PPP2R2B: variants seen among roughly 807,000 people sequenced by gnomAD.
The protein encoded by PPP2R2B is serine/threonine-protein phosphatase 2A 55 kDa regulatory subunit B beta isoform.
A neutral mutation model predicts 46.0 loss-of-function variants in PPP2R2B; 5 were observed. The observed-to-expected ratio is 0.11, with a 90% confidence interval of 0.06 to 0.23. PPP2R2B has a LOEUF of 0.23. Among genes scored for constraint, PPP2R2B ranks in the 10% least tolerant of loss-of-function variants. The probability of loss-of-function intolerance (pLI) is 1.00; values close to 1 mark genes in which losing one functional copy is unlikely to be tolerated. For missense variants in PPP2R2B, 367 were observed against 575.0 expected (o/e 0.64, Z 3.70); for synonymous variants, 215 against 206.7 (o/e 1.04, Z -0.34).
At chr5:146,808,958 GGTGTGTGTGTGTGTGTGT>G (rs35023590) in intron 2 of PPP2R2B, among the ~76,000 whole-genome samples, 3 of 146,262 alleles carry the variant, frequency 2.1e-5, no homozygotes, top group Non-Finnish European at 4.5e-5. Context: ...TGCTAACACT[GGTGTGTGTGTGTGTGTGT>G]GTGTGTGTGT....
chr5:147,025,300 TG>T (rs1219089536), intron 1 of PPP2R2B, among the ~76,000 whole-genome samples: 2 of 151,948 alleles, frequency 1.3e-5, no homozygotes, highest in Admixed American at 6.6e-5. Context: ...CCCCAAAATG[TG>T]GATCCAAATG....
intron 5 of PPP2R2B, among the ~76,000 whole-genome samples, chr5:146,685,213 G>A (rs561295699): frequency 6.6e-6 from 1 of 152,312 alleles, no homozygotes; most frequent in East Asian, 1.9e-4. Flanking sequence ...AGGAACAGGA[G>A]CTCTGGAGTC....
chr5:146,944,322 GA>G (rs1284575344), intron 1 of PPP2R2B, among the ~76,000 whole-genome samples: 3 of 152,106 alleles, frequency 2.0e-5, no homozygotes, highest in South Asian at 2.1e-4. Flanking sequence ...GGAAGAGATT[GA>G]AAAGAGATTT....
intron 1 of PPP2R2B, among the ~76,000 whole-genome samples, chr5:147,009,884 C>CAT: frequency 6.9e-6 from 1 of 144,060 alleles, no homozygotes; most frequent in East Asian, 2.0e-4. Context: ...CACACACACA[C>CAT]ACACACACAC....
chr5:146,722,408 A>T (rs971369095), intron 2 of PPP2R2B, among the ~76,000 whole-genome samples: 3 of 152,174 alleles, frequency 2.0e-5, no homozygotes, highest in Non-Finnish European at 4.4e-5. Flanking sequence ...CTGCTTACTG[A>T]GTTATCTGCT....
chr5:146,654,633 T>A (rs745482033), intron 5 of PPP2R2B, among the ~76,000 whole-genome samples: 15 of 152,174 alleles, frequency 9.9e-5, no homozygotes, highest in Non-Finnish European at 2.1e-4. Flanking sequence ...TATTATATGC[T>A]TGCATCCTCA....
At chr5:146,623,046 G>A (rs1476036974) in intron 7 of PPP2R2B, among the ~76,000 whole-genome samples, 1 of 152,092 alleles carries the variant, frequency 6.6e-6, no homozygotes, top group Non-Finnish European at 1.5e-5. Context: ...CTACAATTTA[G>A]TATCCATGAA....
intron 1 of PPP2R2B, among the ~76,000 whole-genome samples, chr5:147,021,334 GT>G (rs1199536534): frequency 6.6e-6 from 1 of 152,186 alleles, no homozygotes; most frequent in Non-Finnish European, 1.5e-5. Flanking sequence ...ATTTCAGGCA[GT>G]TTCATGCAGC....
At chr5:146,939,968 AT>A (rs1764269612) in intron 1 of PPP2R2B, among the ~76,000 whole-genome samples, 1 of 152,212 alleles carries the variant, frequency 6.6e-6, no homozygotes, top group Non-Finnish European at 1.5e-5. Flanking sequence ...GGTTTGAGCC[AT>A]TTGTAATCTT....
upstream of PPP2R2B, among the ~76,000 whole-genome samples, chr5:146,883,177 T>G (rs564523554): frequency 6.6e-6 from 1 of 152,336 alleles, no homozygotes; most frequent in East Asian, 1.9e-4. Context: ...TTCATGACCT[T>G]TGGTGAGTAG....
intron 2 of PPP2R2B, among the ~76,000 whole-genome samples, chr5:146,723,156 A>G (rs1048132027): frequency 3.9e-5 from 6 of 152,206 alleles, no homozygotes; most frequent in African/African-American, 1.4e-4. Context: ...TTGAGAGAGC[A>G]TATGTTGGTT....
rs755089832 is a variant in PPP2R2B, at chr5:146,593,021, T to C, written c.1002A>G (p.Glu334=). Residue 334 remains glutamate, a synonymous_variant, in exon 9 of 10, where the codon GAA becomes GAG. Transcript: ENST00000394411. ...CAAATTTATCAAAAATGCAGTCATT[T>C]TCATAGAGGGAACACAGCTTGCTGC... ...YLRSKLCSLY[E]NDCIFDKFEC... 1.9e-6 allele frequency: 3 copies of C among 1,614,086 alleles called. No homozygotes were observed. In the South Asian group the frequency reaches 3.3e-5, roughly 18 times the overall value.
chr5:146,658,903 G>A (rs770813186), intron 5 of PPP2R2B, among the ~76,000 whole-genome samples: 1 of 152,118 alleles, frequency 6.6e-6, no homozygotes, highest in African/African-American at 2.4e-5. Context: ...AGAATTATAT[G>A]TTTATGCTGT....
chr5:146,816,118 T>C (rs956148829), intron 2 of PPP2R2B, among the ~76,000 whole-genome samples: 1 of 152,182 alleles, frequency 6.6e-6, no homozygotes. Context: ...ACACTTACAG[T>C]ATTATTAATA....
chr5:146,620,741 CT>C (rs1561778616), intron 7 of PPP2R2B, among the ~76,000 whole-genome samples: 2 of 152,164 alleles, frequency 1.3e-5, no homozygotes, highest in East Asian at 1.9e-4. Context: ...GTCTCTCCCC[CT>C]GAGATAGCAT....
Position 146,937,302 on chromosome 5 carries a change from GA to G in PPP2R2B, c.79+118362del, listed in dbSNP as rs202060447. ...GGTGACAGAGTGAGACTCCGTCTCA[GA>G]AAAAAAAAAAAAGGGGGGTTACTAG... On this transcript the variant is annotated intron_variant, in intron 1 of 8. Coordinates refer to the PPP2R2B transcript ENST00000336640. 6.7e-3 allele frequency among the ~76,000 whole-genome samples: 896 copies of G among 132,998 alleles called. 13 individuals are homozygous for G. The highest frequency in any genetic ancestry group is 0.022 in the African/African-American group (797 of 36,886). 87.3% of individuals were successfully genotyped at this position (132,998 alleles called of 152,430 possible).
At position 146,600,480 on chromosome 5, in the gene PPP2R2B, CAA is replaced by C; in HGVS notation, c.791-22_791-21del. 6.2e-7 allele frequency: 1 copy of C among 1,612,298 alleles called. No homozygotes were observed. The highest frequency in any genetic ancestry group is 8.5e-7 in the Non-Finnish European group (1 of 1,179,062). On this transcript the variant is annotated intron_variant, in intron 7 of 9. Coordinates refer to ENST00000394411, the MANE Select transcript of PPP2R2B (RefSeq NM_181675.4). ...CAAAAACTGCAGAACAAAAGCAAAACAAGACAAATTTAGCAATCCTTATCAAC... is the reference window on the plus strand; with the variant it reads ...CAAAAACTGCAGAACAAAAGCAAAACGACAAATTTAGCAATCCTTATCAAC...
At chr5:146,683,382 A>G (rs1561830046) in intron 5 of PPP2R2B, among the ~76,000 whole-genome samples, 1 of 152,216 alleles carries the variant, frequency 6.6e-6, no homozygotes, top group East Asian at 1.9e-4. Context: ...AGAGTCATAA[A>G]GACGTGCACT....
At chr5:146,938,084 G>A (rs1023996824) in intron 1 of PPP2R2B, among the ~76,000 whole-genome samples, 3 of 152,088 alleles carry the variant, frequency 2.0e-5, no homozygotes, top group African/African-American at 7.2e-5. Flanking sequence ...GGGCCAAAAC[G>A]TAAAATTGCT....
Sources: gnomAD v4.1 joint callset for allele counts (sites outside exome capture counted in the v4.1 genomes callset) on GRCh38, gnomAD v4.1.1 for gene constraint, MANE v1.5 for transcripts, NCBI Gene and HGNC (gene_info 2026-07-23, HGNC 2026-07-21) for gene names.